SGPP1: variants seen among roughly 807,000 people sequenced by gnomAD.
SGPP1 encodes hSPP1.
A neutral mutation model predicts 33.0 loss-of-function variants in SGPP1; 21 were observed. The ratio of observed to expected loss-of-function variants is 0.64; its 90% CI spans 0.45 to 0.92. The LOEUF (loss-of-function observed/expected upper bound fraction) is 0.92. SGPP1 is among the 40% of genes least tolerant of loss of function. The pLI is 0.00. For synonymous variants in SGPP1, 239 were observed against 241.2 expected, an observed-to-expected ratio of 0.99 and a Z score of 0.08; for missense variants, 543 against 589.4, an observed-to-expected ratio of 0.92 and a Z score of 0.81.
chr14:63,705,427 G>C (rs1379687714), intron 1 of SGPP1, among the ~76,000 whole-genome samples: 2 of 151,380 alleles, frequency 1.3e-5, no homozygotes, highest in Non-Finnish European at 1.5e-5. Flanking sequence ...CAGCACTTTG[G>C]GGGGCCGAGG....
At position 63,714,577 on chromosome 14, in the gene SGPP1, C is replaced by T. The variant is rs112300511; in HGVS notation, c.684+12684G>A. Among the ~76,000 whole-genome samples, 37 of 152,134 alleles carry T rather than the reference C, an allele frequency of 2.4e-4. 1 individual carries two copies. The highest frequency in any genetic ancestry group is 8.4e-4 in the African/African-American group (35 of 41,512). On this transcript the variant is annotated intron_variant, in intron 1 of 2. Coordinates refer to ENST00000247225, the MANE Select transcript of SGPP1 (RefSeq NM_030791.4). ...CTGGGACTACAAGTACATACCACCA[C>T]ACCTGGCTAATGTTTAAATTTTGTG...
intron 1 of SGPP1, among the ~76,000 whole-genome samples, chr14:63,713,952 A>G (rs1885571637): frequency 6.6e-6 from 1 of 152,210 alleles, no homozygotes; most frequent in Non-Finnish European, 1.5e-5. Context: ...GGCATGCACC[A>G]TCTAATCTGC....
intron 1 of SGPP1, among the ~76,000 whole-genome samples, chr14:63,707,393 T>C (rs538399708): frequency 2.6e-5 from 4 of 152,290 alleles, no homozygotes; most frequent in African/African-American, 4.8e-5. Flanking sequence ...CTACATGTTA[T>C]AGCTTGTAAC....
chr14:63,717,818 A>G (rs1253479903), intron 1 of SGPP1, among the ~76,000 whole-genome samples: 2 of 152,246 alleles, frequency 1.3e-5, no homozygotes, highest in Admixed American at 6.5e-5. Flanking sequence ...AACACTAGAG[A>G]AAAAGAGAAA....
intron 1 of SGPP1, among the ~76,000 whole-genome samples, chr14:63,705,161 T>C (rs762340020): frequency 3.4e-5 from 5 of 149,244 alleles, no homozygotes; most frequent in Non-Finnish European, 5.9e-5. Context: ...AAAACACTCA[T>C]GTACATCAAA....
Position 63,684,622 on chromosome 14 carries a change from T to C in SGPP1, c.*1483A>G, listed in dbSNP as rs912465847. ...CCCAAAATAGAAACATCTGAAGTGATAGTTCTGGATAATCATACAGATATT... is the reference window on the plus strand; with the variant it reads ...CCCAAAATAGAAACATCTGAAGTGACAGTTCTGGATAATCATACAGATATT... On this transcript the variant is annotated 3_prime_UTR_variant, in exon 3 of 3. Coordinates refer to ENST00000247225, the MANE Select transcript of SGPP1 (RefSeq NM_030791.4). The C allele has an allele frequency of 6.6e-6, 1 of 152,508 alleles. No homozygotes were observed. The highest frequency in any genetic ancestry group is 1.5e-5 in the Non-Finnish European group (1 of 67,916). The allele number at this position is 152,508 out of a possible 1,614,324, so 9.4% of individuals were successfully genotyped here.
intron 1 of SGPP1, among the ~76,000 whole-genome samples, chr14:63,716,606 T>C (rs1243057468): frequency 6.6e-6 from 1 of 152,006 alleles, no homozygotes; most frequent in Non-Finnish European, 1.5e-5. Context: ...GGCAGGAGGT[T>C]CCCTTAAACC....
intron 1 of SGPP1, among the ~76,000 whole-genome samples, chr14:63,720,095 C>G (rs1175657427): frequency 7.0e-6 from 1 of 143,844 alleles, no homozygotes; most frequent in African/African-American, 2.6e-5. Flanking sequence ...CACTGCACTC[C>G]AGCCGGGCGA....
At chr14:63,695,091 C>G (rs1386999721) in intron 2 of SGPP1, among the ~76,000 whole-genome samples, 2 of 152,200 alleles carry the variant, frequency 1.3e-5, no homozygotes, top group East Asian at 1.9e-4. Context: ...GAGTCTCGCT[C>G]TGTCGCCCAG....
chr14:63,689,072 G>A (rs1358894368), intron 2 of SGPP1, among the ~76,000 whole-genome samples: 2 of 152,090 alleles, frequency 1.3e-5, no homozygotes, highest in African/African-American at 4.8e-5. Context: ...CTAGTTGCTT[G>A]ATGTTTCTGT....
intron 1 of SGPP1, among the ~76,000 whole-genome samples, chr14:63,713,584 T>C (rs1223115212): frequency 6.6e-6 from 1 of 152,180 alleles, no homozygotes; most frequent in Non-Finnish European, 1.5e-5. Flanking sequence ...AAATCTCTAA[T>C]ATCTAAAATC....
chr14:63,685,672 T>C lies in SGPP1; in HGVS notation c.*433A>G, dbSNP rs569071604. ...TTAAATATATCTGTTAATAACAACA[T>C]ACCTGTATGTAGTTCAAATACACAG... On this transcript the variant is annotated 3_prime_UTR_variant, in exon 3 of 3. Coordinates refer to ENST00000247225, the MANE Select transcript of SGPP1 (RefSeq NM_030791.4). 1.2e-4 allele frequency: 19 copies of C among 152,070 alleles called. No individual in the cohort carries two copies. Among genetic ancestry groups the C allele is most frequent in the African/African-American group, 4.6e-4 (19 of 41,510 alleles). 9.4% of individuals were successfully genotyped at this position (152,070 alleles called of 1,614,324 possible).
At chr14:63,708,251 C>CTTTT (rs36105615) in intron 1 of SGPP1, among the ~76,000 whole-genome samples, 108 of 97,900 alleles carry the variant, frequency 1.1e-3, no homozygotes, top group Non-Finnish European at 1.7e-3. Context: ...AGCAGCAATC[C>CTTTT]TTTTTTTTTT....
intron 1 of SGPP1, among the ~76,000 whole-genome samples, chr14:63,721,628 T>C (rs1357886725): frequency 6.6e-6 from 1 of 152,226 alleles, no homozygotes; most frequent in Non-Finnish European, 1.5e-5. Context: ...CTCTGGTCTT[T>C]ACTGTGACCT....
At chr14:63,719,726 C>A (rs1885728786) in intron 1 of SGPP1, among the ~76,000 whole-genome samples, 1 of 148,744 alleles carries the variant, frequency 6.7e-6, no homozygotes, top group Non-Finnish European at 1.5e-5. Context: ...TGCCTCTCTC[C>A]CTCTCTCTCT....
intron 2 of SGPP1, among the ~76,000 whole-genome samples, chr14:63,691,251 G>C (rs1255125493): frequency 4.6e-5 from 7 of 152,138 alleles, no homozygotes; most frequent in Admixed American, 4.6e-4. Context: ...AAATGTTTAG[G>C]AAAGTGTCAA....
intron 1 of SGPP1, among the ~76,000 whole-genome samples, chr14:63,708,287 C>T (rs1028216270): frequency 2.2e-5 from 3 of 135,314 alleles, no homozygotes; most frequent in Non-Finnish European, 4.7e-5. Context: ...ATGGAGTTTC[C>T]CTCTTGTCTC....
At chr14:63,715,496 T>G (rs1885605184) in intron 1 of SGPP1, among the ~76,000 whole-genome samples, 1 of 152,194 alleles carries the variant, frequency 6.6e-6, no homozygotes, top group East Asian at 1.9e-4. Flanking sequence ...CCCTTTTTTT[T>G]GAGCCGGAGT....
chr14:63,699,512 G>C lies in SGPP1; in HGVS notation c.685-854C>G, dbSNP rs76875336. 1.2e-4 allele frequency among the ~76,000 whole-genome samples: 19 copies of C among 152,296 alleles called. No homozygotes were observed. In the East Asian group the frequency reaches 3.7e-3, roughly 29 times the overall value. ...AGGAGCAAGGGACTTAAGTAAGCTT[G>C]TAAGAAGAGTAGAAAATATTTAGTA... On this transcript the variant is annotated intron_variant, in intron 1 of 2. Transcript: ENST00000247225.
Sources: gnomAD v4.1 joint callset for allele counts (sites outside exome capture counted in the v4.1 genomes callset) on GRCh38, gnomAD v4.1.1 for gene constraint, MANE v1.5 for transcripts, NCBI Gene and HGNC (gene_info 2026-07-23, HGNC 2026-07-21) for gene names.